The following SASS6 variants were observed in gnomAD, a reference collection of about 807,000 sequenced individuals.
The protein encoded by SASS6 is SAS-6 centriolar assembly protein.
Under a neutral mutation model 94.9 loss-of-function variants are expected in SASS6, and 59 were observed. That is an observed-to-expected ratio of 0.62 (90% CI 0.50 to 0.77). The LOEUF is 0.77. Ranked by LOEUF, SASS6 falls within the 30% of genes least tolerant of loss-of-function variation. The pLI is 0.00. For missense variants in SASS6, 698 were observed against 734.1 expected (o/e 0.95, Z 0.57); for synonymous variants, 264 against 270.0 (o/e 0.98, Z 0.22).
chr1:100,107,668 A>T lies in SASS6; in HGVS notation c.1106T>A (p.Leu369His). 1 of 1,606,726 alleles carries T rather than the reference A, an allele frequency of 6.2e-7. No individual in the cohort carries two copies. Among genetic ancestry groups the T allele is most frequent in the Non-Finnish European group, 8.5e-7 (1 of 1,176,808 alleles). ...GEKNQVQLGK[L>H]EATIKSLSAE... ...AGATAATGATTTTATTGTAGCTTCA[A>T]GCTTTCCTAGTTGTACTTGATTTTT... is the stretch of plus-strand genomic sequence containing the variant. Residue 369 changes from leucine to histidine, a missense_variant, in exon 10 of 17, where the codon CTT (leucine) becomes CAT (histidine). Transcript: ENST00000287482.
chr1:100,120,306 A>G, intron 6 of SASS6, 88 bp downstream of exon 6: 1 of 681,856 alleles, frequency 1.5e-6, no homozygotes, highest in Non-Finnish European at 2.7e-6. Context: ...TTTGAAAGAA[A>G]ATACATAAAA....
chr1:100,095,916 AT>A (rs1173317036), intron 14 of SASS6, among the ~76,000 whole-genome samples: 10 of 152,374 alleles, frequency 6.6e-5, no homozygotes, highest in African/African-American at 2.4e-4. Flanking sequence ...AAAGCTCTAA[AT>A]AAATGGAAAG....
chr1:100,118,910 C>T, intron 7 of SASS6, 108 bp downstream of exon 7: 1 of 631,006 alleles, frequency 1.6e-6, no homozygotes, highest in Non-Finnish European at 2.5e-6. Context: ...ATTTTATATA[C>T]TTCTGTAACG....
intron 7 of SASS6, among the ~76,000 whole-genome samples, chr1:100,115,474 G>A (rs896523179): frequency 6.6e-6 from 1 of 152,156 alleles, no homozygotes; most frequent in East Asian, 1.9e-4. Context: ...ACGAGAAAAT[G>A]AGATCAGTTC....
Position 100,102,942 on chromosome 1 carries a change from T to A in SASS6, c.1674+13A>T. 1.3e-6 allele frequency: 2 copies of A among 1,598,258 alleles called. No homozygotes were observed. The highest frequency in any genetic ancestry group is 1.7e-6 in the Non-Finnish European group (2 of 1,172,226). ...TATTTTTTCCCAGAACAAGTATTAG[T>A]TAATTTGGCTACCTTTGTTCCTGAA... On this transcript the variant is annotated intron_variant, in intron 14 of 16. Coordinates refer to ENST00000287482, the MANE Select transcript of SASS6 (RefSeq NM_194292.3).
At chr1:100,130,283 G>A (rs997267591) in intron 1 of SASS6, among the ~76,000 whole-genome samples, 9 of 152,326 alleles carry the variant, frequency 5.9e-5, no homozygotes, top group Middle Eastern at 3.4e-3. Context: ...TGTTGGGGAC[G>A]GAGAGGGGGG....
chr1:100,108,431 C>T (rs1280265346), intron 8 of SASS6, among the ~76,000 whole-genome samples: 3 of 152,080 alleles, frequency 2.0e-5, no homozygotes, highest in Admixed American at 6.6e-5. Flanking sequence ...ACCTTCTTCA[C>T]GTATTACAAA....
chr1:100,112,951 A>G (rs1653455123), intron 7 of SASS6, among the ~76,000 whole-genome samples: 1 of 152,232 alleles, frequency 6.6e-6, no homozygotes, highest in South Asian at 2.1e-4. Flanking sequence ...TAGCAGGAAG[A>G]GAAGTGTTGA....
At position 100,110,420 on chromosome 1, in the gene SASS6, G is replaced by C. The variant is rs1653239585; in HGVS notation, c.733C>G (p.Gln245Glu). ...CTGTTTTGTAGCTGGTGGATGTTTT[G>C]TTGATGGAGGATTTCTAAATCTTTT... Reference protein sequence around the residue: ...QKKDLEILHQQNIHQLQNRLS... With the variant: ...QKKDLEILHQENIHQLQNRLS... Residue 245 changes from glutamine (Q) to glutamate (E), a missense_variant, in exon 8 of 17, where the codon CAA becomes GAA. Physicochemically the swap from Gln to Glu is conservative, Grantham distance 29. Transcript: ENST00000287482. 4 of 1,611,180 alleles carry C rather than the reference G, an allele frequency of 2.5e-6. No homozygotes were observed. The East Asian group carries it at 6.7e-5, about 27-fold the overall frequency.
chr1:100,102,007 GAA>G (rs1432748633), intron 14 of SASS6, among the ~76,000 whole-genome samples: 1 of 151,592 alleles, frequency 6.6e-6, no homozygotes, highest in Non-Finnish European at 1.5e-5. Context: ...CATTATTTAA[GAA>G]AAAATAAACC....
chr1:100,132,725 G>A (rs759645981), intron 1 of SASS6, 25 bp downstream of exon 1: 2 of 1,602,396 alleles, frequency 1.2e-6, no homozygotes, highest in East Asian at 2.2e-5. Flanking sequence ...CGCCACCCGC[G>A]GGCACTGGAT....
chr1:100,119,207 G>A, intron 6 of SASS6, 70 bp from the exon 7 acceptor site: 1 of 833,628 alleles, frequency 1.2e-6, no homozygotes, highest in Non-Finnish European at 1.7e-6. Flanking sequence ...TTAGAATATA[G>A]CAATATTTAC....
At chr1:100,102,243 AATTTG>A (rs1165047606) in intron 14 of SASS6, among the ~76,000 whole-genome samples, 1 of 152,178 alleles carries the variant, frequency 6.6e-6, no homozygotes, top group Non-Finnish European at 1.5e-5. Context: ...TAAATTTTAG[AATTTG>A]ATTTAAGCCT....
At chr1:100,103,398 G>A (rs968440540) in intron 13 of SASS6, among the ~76,000 whole-genome samples, 1 of 152,118 alleles carries the variant, frequency 6.6e-6, no homozygotes, top group African/African-American at 2.4e-5. Context: ...AAAAAGGGGG[G>A]AATGGGGGAG....
At chr1:100,110,580 T>C in intron 7 of SASS6, 97 bp from the exon 8 acceptor site, 2 of 590,992 alleles carry the variant, frequency 3.4e-6, no homozygotes, top group Non-Finnish European at 5.3e-6. Context: ...TAATTTCTTA[T>C]TTTTTCTTTT....
chr1:100,117,291 CAAAAAAA>C (rs60675693), intron 7 of SASS6, among the ~76,000 whole-genome samples: 1 of 94,688 alleles, frequency 1.1e-5, no homozygotes, highest in Non-Finnish European at 2.2e-5. Flanking sequence ...AATTCTGTCT[CAAAAAAA>C]AAAAAAAAGA....
intron 1 of SASS6, among the ~76,000 whole-genome samples, chr1:100,132,392 T>C (rs1475006730): frequency 6.6e-6 from 1 of 152,162 alleles, no homozygotes; most frequent in African/African-American, 2.4e-5. Flanking sequence ...GACCCTGCCA[T>C]GAACTGGCTG....
chr1:100,103,366 T>G (rs965550154), intron 13 of SASS6, among the ~76,000 whole-genome samples: 2 of 152,120 alleles, frequency 1.3e-5, no homozygotes, highest in African/African-American at 4.8e-5. Context: ...CTGAACCAAC[T>G]TGTTTCACTC....
At chr1:100,132,717 C>T (rs1655174745) in intron 1 of SASS6, 33 bp downstream of exon 1, 27 of 1,589,580 alleles carry the variant, frequency 1.7e-5, no homozygotes, top group Non-Finnish European at 2.0e-5. Context: ...ACCCCAACCG[C>T]CACCCGCGGG....
Sources: gnomAD v4.1 joint callset for allele counts (sites outside exome capture counted in the v4.1 genomes callset) on GRCh38, gnomAD v4.1.1 for gene constraint, MANE v1.5 for transcripts, NCBI Gene and HGNC (gene_info 2026-07-23, HGNC 2026-07-21) for gene names.